USP14: variants seen among roughly 807,000 people sequenced by gnomAD.
USP14 encodes ubiquitin carboxyl-terminal hydrolase 14.
USP14 carries 38 observed loss-of-function variants against 76.5 expected under a neutral mutation model. That is an observed-to-expected ratio of 0.50 (90% confidence interval 0.38 to 0.65). The LOEUF is 0.65. Ranked by LOEUF, USP14 falls within the 30% of genes least tolerant of loss-of-function variation. USP14 has a pLI of 0.00. For synonymous variants in USP14, 192 were observed against 191.7 expected (o/e 1.00, Z -0.01); for missense variants, 467 against 586.5 (o/e 0.80, Z 2.10).
chr18:178,024 TTGTTA>T (rs1909675546), intron 3 of USP14, among the ~76,000 whole-genome samples: 1 of 152,038 alleles, frequency 6.6e-6, no homozygotes, highest in Non-Finnish European at 1.5e-5. Context: ...GTTTGTTTGT[TTGTTA>T]TATTTTTTGA....
intron 10 of USP14, among the ~76,000 whole-genome samples, chr18:202,119 A>T (rs1474026239): frequency 6.6e-6 from 1 of 152,220 alleles, no homozygotes; most frequent in Non-Finnish European, 1.5e-5. Flanking sequence ...TTGTTTTCTT[A>T]AAGCAGAGCA....
In USP14 at chr18:172,713, C is replaced by CT. The variant is rs143184143; in HGVS notation, c.195+5904dup. ...AACTGAAGGCTTAGATGATTGTCAG[C>CT]TTTTTTTTTTAAGCAATAAATTATT... On this transcript the variant is annotated intron_variant, in intron 3 of 15. Transcript: ENST00000261601. Among the ~76,000 whole-genome samples, 33 of 149,278 alleles carry CT rather than the reference C, an allele frequency of 2.2e-4. No individual in the cohort carries two copies. The East Asian group carries it at 3.1e-3, about 14-fold the overall frequency.
chr18:204,950 C>T (rs1262633117), intron 13 of USP14, among the ~76,000 whole-genome samples: 3 of 151,556 alleles, frequency 2.0e-5, no homozygotes, highest in Non-Finnish European at 4.4e-5. Context: ...CTCAGGCTCA[C>T]TGCAGTCTCA....
intron 11 of USP14, 37 bp from the exon 12 acceptor site, chr18:203,061 T>A (rs1368330857): frequency 6.2e-7 from 1 of 1,607,438 alleles, no homozygotes; most frequent in Non-Finnish European, 8.5e-7. Context: ...TATGGTATTT[T>A]GATGTAATGG....
At chr18:173,406 C>T (rs1382354341) in intron 3 of USP14, among the ~76,000 whole-genome samples, 8 of 150,662 alleles carry the variant, frequency 5.3e-5, no homozygotes, top group Admixed American at 1.3e-4. Flanking sequence ...CCACCATGCC[C>T]GGCCTATATT....
chr18:201,965 T>C (rs1370071677), intron 10 of USP14, among the ~76,000 whole-genome samples: 1 of 152,256 alleles, frequency 6.6e-6, no homozygotes, highest in Admixed American at 6.5e-5. Context: ...CTGAATAAAC[T>C]TGGTTAAATG....
intron 3 of USP14, among the ~76,000 whole-genome samples, chr18:173,160 G>C (rs566237716): frequency 4.8e-4 from 73 of 151,048 alleles, no homozygotes; most frequent in African/African-American, 1.5e-3. Context: ...CCAGGCTGGA[G>C]TGCAGTGGCA....
chr18:197,723 G>C, intron 8 of USP14, 27 bp downstream of exon 8: 1 of 1,564,324 alleles, frequency 6.4e-7, no homozygotes, highest in Non-Finnish European at 8.7e-7. Flanking sequence ...TGTGATTATA[G>C]ACTTTCGTTA....
chr18:210,303 TTTAGAG>T (rs1421193370), intron 14 of USP14, 77 bp from the exon 15 acceptor site: 55 of 1,031,274 alleles, frequency 5.3e-5, no homozygotes, highest in Admixed American at 7.1e-5. Context: ...TAATGTGAAC[TTTAGAG>T]TTATTCTTGT....
intron 10 of USP14, among the ~76,000 whole-genome samples, chr18:200,249 G>A (rs1054215923): frequency 6.6e-6 from 1 of 152,136 alleles, no homozygotes; most frequent in Admixed American, 6.6e-5. Flanking sequence ...CTTAATCTAA[G>A]CTACTGTTTT....
intron 12 of USP14, among the ~76,000 whole-genome samples, chr18:203,464 G>T (rs1440693175): frequency 6.6e-6 from 1 of 152,094 alleles, no homozygotes; most frequent in African/African-American, 2.4e-5. Flanking sequence ...TTTTTCAAAA[G>T]ATTCATATAC....
At chr18:168,632 G>A (rs1373200791) in intron 3 of USP14, among the ~76,000 whole-genome samples, 1 of 150,628 alleles carries the variant, frequency 6.6e-6, no homozygotes, top group African/African-American at 2.4e-5. Context: ...ACAGGGTTTC[G>A]CAACGTTGGC....
chr18:171,217 C>G (rs182129748), intron 3 of USP14, among the ~76,000 whole-genome samples: 1 of 151,636 alleles, frequency 6.6e-6, no homozygotes, highest in South Asian at 2.1e-4. Context: ...CACTATACAA[C>G]AGATTTTCAG....
chr18:179,720 G>A (rs549045527), intron 4 of USP14, among the ~76,000 whole-genome samples: 111 of 148,284 alleles, frequency 7.5e-4, no homozygotes, highest in African/African-American at 2.7e-3. Flanking sequence ...CCTGAGTAGC[G>A]AAAATTGTAG....
chr18:178,119 C>T (rs1315758336), intron 3 of USP14, among the ~76,000 whole-genome samples: 1 of 152,104 alleles, frequency 6.6e-6, no homozygotes, highest in Non-Finnish European at 1.5e-5. Context: ...CTCCCAGGCT[C>T]CAGTGATCCT....
intron 1 of USP14, chr18:158,984 A>G (rs1598259334): frequency 5.1e-6 from 2 of 390,966 alleles, no homozygotes; most frequent in South Asian, 1.1e-4. Context: ...TCTGCAGAAT[A>G]GTTTCTGACG....
intron 14 of USP14, 90 bp downstream of exon 14, chr18:210,121 T>A (rs1410963575): frequency 9.2e-7 from 1 of 1,092,498 alleles, no homozygotes; most frequent in East Asian, 2.5e-5. Flanking sequence ...CTTATTCTGA[T>A]GTGCTTTTCA....
chr18:183,567 G>A (rs1010090493), intron 5 of USP14, among the ~76,000 whole-genome samples: 2 of 151,792 alleles, frequency 1.3e-5, no homozygotes, highest in Non-Finnish European at 2.9e-5. Context: ...TAATTTTTAT[G>A]TGATGTGCTC....
intron 3 of USP14, among the ~76,000 whole-genome samples, chr18:176,808 A>C (rs1363772236): frequency 6.6e-6 from 1 of 152,076 alleles, no homozygotes; most frequent in African/African-American, 2.4e-5. Context: ...GTGGTATGGT[A>C]TGAAGTAGAG....
Sources: gnomAD v4.1 joint callset for allele counts (sites outside exome capture counted in the v4.1 genomes callset) on GRCh38, gnomAD v4.1.1 for gene constraint, MANE v1.5 for transcripts, NCBI Gene and HGNC (gene_info 2026-07-23, HGNC 2026-07-21) for gene names.